The following ZFAT variants were observed in gnomAD, a reference collection of about 807,000 sequenced individuals.
ZFAT encodes zinc finger protein ZFAT.
ZFAT carries 64 observed loss-of-function variants against 117.7 expected under a neutral mutation model. That is an observed-to-expected ratio of 0.54 (90% confidence interval 0.44 to 0.67). The LOEUF (loss-of-function observed/expected upper bound fraction) is 0.67, where lower values mean the gene tolerates loss of function less well. Among genes scored for constraint, ZFAT ranks in the 30% least tolerant of loss-of-function variants. The probability of loss-of-function intolerance (pLI) is 0.00; values close to 1 mark genes in which losing one functional copy is unlikely to be tolerated. For missense variants in ZFAT, 1,433 were observed against 1,584.5 expected (o/e 0.90, Z 1.62); for synonymous variants, 679 against 615.0 (o/e 1.10, Z -1.54).
chr8:134,683,359 G>A (rs10089756), intron 1 of ZFAT, among the ~76,000 whole-genome samples: 136,761 of 152,266 alleles, frequency 0.9, 61,646 homozygotes, highest in African/African-American at 0.94. Flanking sequence ...TTGATGAATC[G>A]CAAGGAGCTT....
rs117781747 is a variant in ZFAT at position 134,529,756 on chromosome 8, A to C, written c.3115+3078T>G. On this transcript the variant is annotated intron_variant, in intron 12 of 15. Coordinates refer to ENST00000377838, the MANE Select transcript of ZFAT (RefSeq NM_020863.4). ...TTGAGGGACATCATGTGAGCAGCTTAAACTTGGCCATGGTAGAAGTATTTA... is the reference window on the plus strand; with the variant it reads ...TTGAGGGACATCATGTGAGCAGCTTCAACTTGGCCATGGTAGAAGTATTTA... Among the ~76,000 whole-genome samples the C allele has an allele frequency of 8.4e-3, 1,274 of 152,292 alleles. 7 individuals are homozygous for C. Among genetic ancestry groups the C allele is most frequent in the Middle Eastern group, 0.031 (9 of 294 alleles).
chr8:134,504,418 C>T (rs1184271494), intron 15 of ZFAT, among the ~76,000 whole-genome samples: 4 of 152,272 alleles, frequency 2.6e-5, no homozygotes, highest in African/African-American at 4.8e-5. Context: ...ATAAGGTGTA[C>T]TTATTACTTA....
intron 1 of ZFAT, among the ~76,000 whole-genome samples, chr8:134,663,223 C>T (rs1832029584): frequency 1.3e-5 from 2 of 152,198 alleles, no homozygotes; most frequent in Admixed American, 1.3e-4. Flanking sequence ...GTGGACAAAT[C>T]CTGACACTTA....
At chr8:134,606,871 A>G (rs12544281) in intron 5 of ZFAT, among the ~76,000 whole-genome samples, 63,316 of 151,996 alleles carry the variant, frequency 0.42, 13,607 homozygotes, top group Admixed American at 0.55. Context: ...TTTGGGCAAT[A>G]AGATCATAAA....
At chr8:134,618,643 C>T (rs1262279368) in intron 3 of ZFAT, among the ~76,000 whole-genome samples, 1 of 152,212 alleles carries the variant, frequency 6.6e-6, no homozygotes, top group Non-Finnish European at 1.5e-5. Context: ...TCCCCTACTA[C>T]TAAATAAAAT....
At chr8:134,817,381 G>GTC in the ZFAT span, among the ~76,000 whole-genome samples, 31,027 of 119,594 alleles carry the variant, frequency 0.26, 3,776 homozygotes, top group African/African-American at 0.34. Flanking sequence ...CAATCTCTCT[G>GTC]TCTCTCTCTC....
intron 10 of ZFAT, among the ~76,000 whole-genome samples, chr8:134,573,127 T>C (rs764977323): frequency 4.6e-5 from 7 of 152,108 alleles, no homozygotes; most frequent in African/African-American, 1.2e-4. Context: ...GAGGAAGAAA[T>C]TGCCAAGAGG....
chr8:134,641,916 G>A (rs1031342540), intron 2 of ZFAT, among the ~76,000 whole-genome samples: 1 of 152,164 alleles, frequency 6.6e-6, no homozygotes, highest in Non-Finnish European at 1.5e-5. Flanking sequence ...TCGGCCAAAG[G>A]ATTACTTCTA....
At chr8:134,700,872 G>A (rs1159720000) in intron 1 of ZFAT, among the ~76,000 whole-genome samples, 1 of 152,144 alleles carries the variant, frequency 6.6e-6, no homozygotes, top group Admixed American at 6.5e-5. Context: ...CCTTGTACAA[G>A]TGAGTAAGTT....
intron 3 of ZFAT, among the ~76,000 whole-genome samples, chr8:134,622,762 A>G (rs1435417847): frequency 1.3e-5 from 2 of 152,040 alleles, no homozygotes; most frequent in Non-Finnish European, 2.9e-5. Context: ...AAATGGGGAA[A>G]GTCGGGGATG....
At chr8:134,599,623 T>C in intron 7 of ZFAT, 1 of 382,074 alleles carries the variant, frequency 2.6e-6, no homozygotes, top group South Asian at 2.0e-5. Context: ...AGTGACAAAC[T>C]GTTATGATTT....
At chr8:134,812,473 G>A in the ZFAT span, among the ~76,000 whole-genome samples, 43 of 152,346 alleles carry the variant, frequency 2.8e-4, 1 homozygote, top group Middle Eastern at 0.017. Flanking sequence ...GCTCATGCCT[G>A]TAATCCCAGC....
At chr8:134,826,591 TAA>T in the ZFAT span, among the ~76,000 whole-genome samples, 1 of 152,230 alleles carries the variant, frequency 6.6e-6, no homozygotes, top group Non-Finnish European at 1.5e-5. Context: ...GATTTGTTTT[TAA>T]AAGACTGTAC....
At chr8:134,769,036 G>C in the ZFAT span, among the ~76,000 whole-genome samples, 35 of 152,156 alleles carry the variant, frequency 2.3e-4, no homozygotes, top group Non-Finnish European at 1.6e-4. Flanking sequence ...GCCAGGTGTG[G>C]TGGGGTGTGC....
intron 1 of ZFAT, among the ~76,000 whole-genome samples, chr8:134,684,574 T>C (rs1369251071): frequency 6.6e-6 from 1 of 152,164 alleles, no homozygotes; most frequent in Non-Finnish European, 1.5e-5. Context: ...GTATTTCTCC[T>C]TGACGTTGAT....
the ZFAT span, among the ~76,000 whole-genome samples, chr8:134,774,775 C>A: frequency 6.6e-6 from 1 of 152,170 alleles, no homozygotes; most frequent in Non-Finnish European, 1.5e-5. Flanking sequence ...TTCTCATTCG[C>A]CAACTCTGTA....
chr8:134,634,282 A>C lies in ZFAT; in HGVS notation c.448+3179T>G, dbSNP rs371728288. Reference sequence around the variant, plus strand: ...ATTATGAATAATCTCAGTTCTGAAAAATACATATGGGTGTACAAAGAATGG... The same window carrying C: ...ATTATGAATAATCTCAGTTCTGAAACATACATATGGGTGTACAAAGAATGG... On this transcript the variant is annotated intron_variant, in intron 3 of 15. Transcript: ENST00000377838. Among the ~76,000 whole-genome samples, 97 of 152,344 alleles carry C rather than the reference A, an allele frequency of 6.4e-4. No homozygotes were observed. The East Asian group carries it at 0.014, about 23-fold the overall frequency.
the ZFAT span, among the ~76,000 whole-genome samples, chr8:134,759,427 T>A: frequency 6.6e-6 from 1 of 152,162 alleles, no homozygotes; most frequent in African/African-American, 2.4e-5. Context: ...CTGAAAGGCC[T>A]GGAACCCCAA....
At chr8:134,749,538 C>T in the ZFAT span, among the ~76,000 whole-genome samples, 1 of 152,146 alleles carries the variant, frequency 6.6e-6, no homozygotes, top group East Asian at 1.9e-4. Flanking sequence ...TCAATCACCT[C>T]CCAAAGGCCC....
Sources: allele counts gnomAD v4.1 joint callset (sites outside exome capture counted in the v4.1 genomes callset), GRCh38; gene constraint gnomAD v4.1.1; transcripts MANE v1.5; gene names NCBI Gene and HGNC (gene_info 2026-07-23, HGNC 2026-07-21).